MYO1F: variants seen among roughly 807,000 people sequenced by gnomAD.
MYO1F encodes myosin IF.
Under a neutral mutation model 146.6 loss-of-function variants are expected in MYO1F, and 60 were observed. That is an observed-to-expected ratio of 0.41 (90% CI 0.33 to 0.51). The LOEUF (loss-of-function observed/expected upper bound fraction) is 0.51, where lower values mean the gene tolerates loss of function less well. MYO1F is among the 20% of genes least tolerant of loss of function. The pLI is 0.25. For synonymous variants in MYO1F, 602 were observed against 602.1 expected, an observed-to-expected ratio of 1.00 and a Z score of 0.00; for missense variants, 1,274 against 1,534.3, an observed-to-expected ratio of 0.83 and a Z score of 2.83.
chr19:8,545,855 G>A (rs530525027), intron 12 of MYO1F, 119 bp from the exon 13 acceptor site: 52 of 786,522 alleles, frequency 6.6e-5, no homozygotes, highest in Admixed American at 4.8e-4. Flanking sequence ...AACAAAGCCC[G>A]TCACTCCTAT....
chr19:8,555,278 G>A (rs966740362), intron 2 of MYO1F: 12 of 275,076 alleles, frequency 4.4e-5, no homozygotes, highest in South Asian at 2.7e-4. Context: ...GCTGAGGCAG[G>A]AGAATCATTT....
intron 25 of MYO1F, among the ~76,000 whole-genome samples, chr19:8,523,177 A>G (rs564725932): frequency 9.2e-5 from 14 of 151,592 alleles, no homozygotes; most frequent in Admixed American, 3.3e-4. Context: ...GACTACAGGC[A>G]CCTGCCACCA....
intron 10 of MYO1F, chr19:8,549,782 G>A (rs1973525259): frequency 3.3e-6 from 1 of 306,074 alleles, no homozygotes; most frequent in South Asian, 3.1e-5. Flanking sequence ...TGGGATTACA[G>A]GCATGAGCCA....
rs1238362676 is a variant in MYO1F at position 8,538,615 on chromosome 19, G to A, written c.1692+1332C>T. ...TTTTTTTTTTTTTTTAAGAGACAGG[G>A]TCTCACTCTGTTCCCAGGCTAAAGT... On this transcript the variant is annotated intron_variant, in intron 16 of 27. Coordinates refer to ENST00000644032, the MANE Select transcript of MYO1F (RefSeq NM_012335.4). Among the ~76,000 whole-genome samples, 16 of 147,728 alleles carry A rather than the reference G, an allele frequency of 1.1e-4. No homozygotes were observed. The Admixed American group carries it at 1.1e-3, about 10-fold the overall frequency.
In MYO1F at chr19:8,530,177, C is replaced by T; in HGVS notation, c.2328+19G>A. 1 of 1,613,918 alleles carries T rather than the reference C, an allele frequency of 6.2e-7. No individual in the cohort carries two copies. Among genetic ancestry groups the T allele is most frequent in the South Asian group, 1.1e-5 (1 of 91,078 alleles). On this transcript the variant is annotated intron_variant, in intron 21 of 27. Coordinates refer to ENST00000644032, the MANE Select transcript of MYO1F (RefSeq NM_012335.4). The surrounding 1 kb of genome is among the most constrained non-coding windows in gnomAD (Gnocchi z 5.8). ...GGCTGTAGTCAGGGTCTTGCTGTGC[C>T]CACCCACTAGTGCCTCACCTTGAAG...
At chr19:8,543,753 G>C (rs1315813283) in intron 14 of MYO1F, among the ~76,000 whole-genome samples, 5 of 9,740 alleles carry the variant, frequency 5.1e-4, no homozygotes, top group African/African-American at 1.2e-3. Flanking sequence ...GCTGGTGGTG[G>C]TGGTGGTGGT....
In MYO1F at chr19:8,526,523, G is replaced by A. The variant is rs747378295; in HGVS notation, c.2700C>T (p.Asp900=). ...GACCGCCAACCTTGAGCACTGCCAA[G>A]TCGCCGAAGCCGCGGGAGAAGGTGA... ...RSVTFSRGFG[D]LAVLKVGGRT... is the part of the protein sequence containing the mutation. The change falls in exon 24 of 28, where the codon GAC becomes GAT. Residue 900 remains aspartate (D), a synonymous_variant. Coordinates refer to ENST00000644032, the MANE Select transcript of MYO1F (RefSeq NM_012335.4). 4 of 1,586,294 alleles carry A rather than the reference G, an allele frequency of 2.5e-6. No homozygotes were observed. The South Asian group carries it at 3.5e-5, about 14-fold the overall frequency.
At chr19:8,521,941 C>T (rs935673556) in intron 27 of MYO1F, among the ~76,000 whole-genome samples, 2 of 152,068 alleles carry the variant, frequency 1.3e-5, no homozygotes, top group Non-Finnish European at 2.9e-5. Flanking sequence ...AGGTATGAGC[C>T]ACCTCGCCCA....
chr19:8,551,694 GC>G, intron 8 of MYO1F, 45 bp downstream of exon 8: 3 of 1,613,958 alleles, frequency 1.9e-6, no homozygotes, highest in Non-Finnish European at 2.5e-6. Context: ...GGTTTCTGGG[GC>G]TGAGGTCTGC....
At chr19:8,533,303 A>C (rs1159906461) in intron 19 of MYO1F, among the ~76,000 whole-genome samples, 3 of 150,854 alleles carry the variant, frequency 2.0e-5, no homozygotes, top group Non-Finnish European at 4.4e-5. Flanking sequence ...TGCTGGGATT[A>C]CAGGCGTGAG....
chr19:8,572,387 C>T (rs1272403814), intron 1 of MYO1F, among the ~76,000 whole-genome samples: 2 of 152,130 alleles, frequency 1.3e-5, no homozygotes, highest in Non-Finnish European at 2.9e-5. Flanking sequence ...GCTGCCTCAG[C>T]CTCCTGAGTA....
At chr19:8,527,140 G>A (rs1241931840) in intron 22 of MYO1F, among the ~76,000 whole-genome samples, 198 bp downstream of exon 22, 4 of 152,100 alleles carry the variant, frequency 2.6e-5, no homozygotes, top group African/African-American at 4.8e-5. Flanking sequence ...TAGTAAGAGG[G>A]TAAGGTGCAG....
chr19:8,551,846 C>G lies in MYO1F; in HGVS notation c.665G>C (p.Arg222Thr), dbSNP rs1973624781. 1 of 1,614,016 alleles carries G rather than the reference C, an allele frequency of 6.2e-7. No individual in the cohort carries two copies. The highest frequency in any genetic ancestry group is 8.5e-7 in the Non-Finnish European group (1 of 1,180,032). The change falls in exon 8 of 28, where the codon AGG becomes ACG. Residue 222 changes from arginine to threonine, a missense_variant. Physicochemically the swap from Arg to Thr is moderately conservative, Grantham distance 71. Around this residue, in one of 2 missense-constraint regions of MYO1F, gnomAD observed 900 missense variants for 1,155.1 expected, o/e 0.78. Transcript: ENST00000644032. ...CGGTGTCATGAGGCCCAGGTTCTGC[C>G]TTTGCTCCTGGGAGGCCCCTTCCAG... ...QLLEGASQEQ[R>T]QNLGLMTPDY...
chr19:8,550,735 G>A (rs1973569836), intron 8 of MYO1F, 41 bp from the exon 9 acceptor site: 1 of 1,612,346 alleles, frequency 6.2e-7, no homozygotes, highest in Admixed American at 1.7e-5. Context: ...GTGAATCCTG[G>A]CCTCCAACCT....
rs782311594 is a variant in MYO1F at position 8,577,379 on chromosome 19, G to A, written c.-70C>T. On this transcript the variant is annotated 5_prime_UTR_variant, in exon 1 of 28. Transcript: ENST00000644032. This position sits in a 1 kb window ranked among gnomAD's most constrained non-coding sequence, Gnocchi z 4.3. ...CGTGATGGAGGTGCAGGTTCAGGGG[G>A]ATCTTGGGGGTGGCTTGGGCATGGC... The A allele has an allele frequency of 6.3e-7, 1 of 1,582,756 alleles. No individual in the cohort carries two copies. The highest frequency in any genetic ancestry group is 1.7e-5 in the Admixed American group (1 of 59,520).
rs1167388209 is a variant in MYO1F at position 8,525,481 on chromosome 19, C to G, written c.2852G>C (p.Arg951Thr). ...APTRAAPAPP[R>T]GMDRNGVPPS... ...TAGCAAGGGACGCAGCTCCTCACCT[C>G]TGGGGGGCGCAGGGGCCGCCCGGGT... Residue 951 changes from arginine (R) to threonine (T), a missense_variant and splice_region_variant, in exon 25 of 28, where the codon AGA becomes ACA. Around this residue, in one of 2 missense-constraint regions of MYO1F, gnomAD observed 374 missense variants for 379.2 expected, o/e 0.99. Coordinates refer to ENST00000644032, the MANE Select transcript of MYO1F (RefSeq NM_012335.4). 6.2e-7 allele frequency: 1 copy of G among 1,613,128 alleles called. No homozygotes were observed. Among genetic ancestry groups the G allele is most frequent in the East Asian group, 2.2e-5 (1 of 44,882 alleles).
In MYO1F at chr19:8,525,523, C is replaced by T; in HGVS notation, c.2810G>A (p.Arg937Lys). Residue 937 changes from arginine to lysine, a missense_variant, in exon 25 of 28, where the codon AGG becomes AAG. By Grantham distance (26) the Arg-to-Lys change is conservative. This residue lies in a region of MYO1F where 374 missense variants were observed against 379.2 expected (regional missense o/e 0.99). Coordinates refer to ENST00000644032, the MANE Select transcript of MYO1F (RefSeq NM_012335.4). ...RKGMAKGKPR[R>K]SSQAPTRAAP... is the part of the protein sequence containing the mutation. ...CGCCCGGGTAGGGGCTTGGGACGAC[C>T]TCCGAGGTTTTCCCTTGGCCATTCC... The T allele has an allele frequency of 1.9e-6, 3 of 1,613,594 alleles. No individual in the cohort carries two copies. The highest frequency in any genetic ancestry group is 2.2e-5 in the South Asian group (2 of 91,092).
At position 8,550,349 on chromosome 19, in the gene MYO1F, G is replaced by A. The variant is rs1054762196; in HGVS notation, c.912C>T (p.Ala304=). ...YARVESVDLL[A]FPAYLLGIDS... The stretch of plus-strand genomic sequence containing the variant: ...CAATGCCCAGCAGGTAGGCGGGAAA[G>A]GCCAGGACTACCAGGGCAAAGGTCA... The change falls in exon 10 of 28, where the codon GCC becomes GCT. Residue 304 remains alanine, a synonymous_variant. Transcript: ENST00000644032. 1 of 1,611,786 alleles carries A rather than the reference G, an allele frequency of 6.2e-7. No homozygotes were observed.
Position 8,530,436 on chromosome 19 carries a change from G to T in MYO1F, c.2158+23C>A, listed in dbSNP as rs767060281. On this transcript the variant is annotated intron_variant, in intron 20 of 27. Transcript: ENST00000644032. This position sits in a 1 kb window ranked among gnomAD's most constrained non-coding sequence, Gnocchi z 5.8. ...CCAGGTCCTTGTGCCCCCACCCCGC[G>T]CCGTTTACCCGAAGCCTCTCACCTT... The T allele has an allele frequency of 6.2e-7, 1 of 1,613,500 alleles. No homozygotes were observed. The highest frequency in any genetic ancestry group is 8.5e-7 in the Non-Finnish European group (1 of 1,179,928).
Sources: allele counts gnomAD v4.1 joint callset (sites outside exome capture counted in the v4.1 genomes callset), GRCh38; gene constraint gnomAD v4.1.1; regional missense constraint gnomAD v4.1.1; non-coding constraint Gnocchi (gnomAD v3.1); transcripts MANE v1.5; gene names NCBI Gene and HGNC (gene_info 2026-07-23, HGNC 2026-07-21).